DNAJB6: variants seen among roughly 807,000 people sequenced by gnomAD.
The protein encoded by DNAJB6 is dnaJ homolog subfamily B member 6.
DNAJB6 carries 16 observed loss-of-function variants against 42.7 expected under a neutral mutation model. The observed-to-expected ratio is 0.37, with a 90% CI of 0.25 to 0.57. DNAJB6 has a LOEUF of 0.57. Among genes scored for constraint, DNAJB6 ranks in the 20% least tolerant of loss-of-function variants. The pLI is 0.74. For missense variants in DNAJB6, 347 were observed against 416.8 expected, an observed-to-expected ratio of 0.83 and a Z score of 1.46; for synonymous variants, 170 against 163.5, an observed-to-expected ratio of 1.04 and a Z score of -0.30.
intron 1 of DNAJB6, among the ~76,000 whole-genome samples, chr7:157,355,149 T>TTTTATTTA (rs199521094): frequency 5.8e-4 from 88 of 152,234 alleles, no homozygotes; most frequent in Non-Finnish European, 9.3e-4. Context: ...CCGTAGTTTC[T>TTTTATTTA]TTTATTTATT....
intron 1 of DNAJB6, among the ~76,000 whole-genome samples, chr7:157,344,626 T>A (rs1469887855): frequency 6.6e-6 from 1 of 152,200 alleles, no homozygotes; most frequent in Non-Finnish European, 1.5e-5. Context: ...AAAAATTTAT[T>A]ATTTTTGTGA....
At chr7:157,406,579 C>T (rs1795774692) in intron 8 of DNAJB6, among the ~76,000 whole-genome samples, 1 of 152,172 alleles carries the variant, frequency 6.6e-6, no homozygotes, top group African/African-American at 2.4e-5. Flanking sequence ...CTGAGCTGTG[C>T]AGGAGAGGAT....
At chr7:157,351,634 A>AAACAAC (rs199667104) in intron 1 of DNAJB6, among the ~76,000 whole-genome samples, 159 of 99,420 alleles carry the variant, frequency 1.6e-3, no homozygotes, top group Non-Finnish European at 1.4e-3. Flanking sequence ...CTCTGTCTCA[A>AAACAAC]AACAACAACA....
chr7:157,406,410 G>A (rs1795769045), intron 8 of DNAJB6, among the ~76,000 whole-genome samples: 1 of 152,224 alleles, frequency 6.6e-6, no homozygotes, highest in African/African-American at 2.4e-5. Context: ...TGGGGACACA[G>A]GACTGTGTCG....
intron 1 of DNAJB6, among the ~76,000 whole-genome samples, chr7:157,357,855 C>T (rs147815821): frequency 1.1e-4 from 17 of 152,316 alleles, no homozygotes; most frequent in Non-Finnish European, 1.8e-4. Flanking sequence ...TGAATCTCTG[C>T]TGCTGGTTTT....
intron 1 of DNAJB6, among the ~76,000 whole-genome samples, chr7:157,344,365 T>C (rs1050940237): frequency 6.8e-6 from 1 of 146,692 alleles, no homozygotes; most frequent in African/African-American, 2.5e-5. Context: ...AAAAAAAAAA[T>C]AGCCAGGCAT....
intron 2 of DNAJB6, among the ~76,000 whole-genome samples, chr7:157,361,986 G>A (rs868077313): frequency 1.3e-5 from 2 of 152,040 alleles, no homozygotes; most frequent in Admixed American, 6.5e-5. Context: ...GGTTGGTCTC[G>A]AACTCCTGAC....
chr7:157,392,446 C>T (rs1053243291), intron 8 of DNAJB6, among the ~76,000 whole-genome samples: 7 of 150,380 alleles, frequency 4.7e-5, no homozygotes, highest in Admixed American at 6.7e-5. Context: ...TGTGTGCGTG[C>T]GTGTGCCTGT....
chr7:157,351,566 G>A (rs542693917), intron 1 of DNAJB6, among the ~76,000 whole-genome samples: 15 of 151,880 alleles, frequency 9.9e-5, no homozygotes, highest in Admixed American at 9.8e-4. Flanking sequence ...CCTAGAGGTG[G>A]AGTTTGCAGT....
chr7:157,375,097 T>C (rs974377193), intron 5 of DNAJB6, among the ~76,000 whole-genome samples: 2 of 152,192 alleles, frequency 1.3e-5, no homozygotes, highest in Non-Finnish European at 2.9e-5. Flanking sequence ...GATTTAAACT[T>C]GAGGCTGCAG....
chr7:157,353,379 G>C (rs1227799846), intron 1 of DNAJB6, among the ~76,000 whole-genome samples: 1 of 152,102 alleles, frequency 6.6e-6, no homozygotes, highest in Non-Finnish European at 1.5e-5. Flanking sequence ...TAATCTTTCT[G>C]TAACTGTGGT....
chr7:157,342,170 A>T (rs776968355), intron 1 of DNAJB6, among the ~76,000 whole-genome samples: 13 of 145,694 alleles, frequency 8.9e-5, no homozygotes, highest in African/African-American at 2.0e-4. Flanking sequence ...ATTTTATTAT[A>T]ATAATAATTT....
intron 6 of DNAJB6, 23 bp downstream of exon 6, chr7:157,382,400 C>T (rs369118478): frequency 2.6e-6 from 4 of 1,524,720 alleles, no homozygotes; most frequent in Non-Finnish European, 3.5e-6. Flanking sequence ...TAGGTTTAAT[C>T]TCTGTTATCT....
intron 8 of DNAJB6, among the ~76,000 whole-genome samples, chr7:157,392,099 CAAAAAAAAAAAA>C (rs57861175): frequency 8.9e-6 from 1 of 112,260 alleles, no homozygotes; most frequent in African/African-American, 3.3e-5. Flanking sequence ...GACCCTGTCT[CAAAAAAAAAAAA>C]AAAAAAGGAT....
chr7:157,416,417 A>C lies in DNAJB6; in HGVS notation c.*319A>C. The C allele has an allele frequency of 3.1e-6, 1 of 318,192 alleles. No homozygotes were observed. Among genetic ancestry groups the C allele is most frequent in the Non-Finnish European group, 6.0e-6 (1 of 167,906 alleles). 19.7% of individuals were successfully genotyped at this position (318,192 alleles called of 1,614,324 possible). A position where few individuals can be genotyped will look rare whatever the true frequency, so the allele number is the denominator to read the frequency against. ...ACTCAACCACTCCGCATGCTGCTGGAATATTTCTGGCTTTAGAAGTACAGG... is the reference window on the plus strand; with the variant it reads ...ACTCAACCACTCCGCATGCTGCTGGCATATTTCTGGCTTTAGAAGTACAGG... On this transcript the variant is annotated 3_prime_UTR_variant, in exon 10 of 10. Coordinates refer to ENST00000262177, the MANE Select transcript of DNAJB6 (RefSeq NM_058246.4).
chr7:157,362,745 TA>T (rs1799665797), intron 2 of DNAJB6, among the ~76,000 whole-genome samples: 1 of 152,240 alleles, frequency 6.6e-6, no homozygotes, highest in South Asian at 2.1e-4. Context: ...TTTATTTTTC[TA>T]TCTCTAGAGG....
At chr7:157,351,981 A>C (rs957700992) in intron 1 of DNAJB6, among the ~76,000 whole-genome samples, 1 of 152,052 alleles carries the variant, frequency 6.6e-6, no homozygotes, top group Non-Finnish European at 1.5e-5. Context: ...GGCGTCAGAG[A>C]GCGAGACACT....
intron 8 of DNAJB6, among the ~76,000 whole-genome samples, chr7:157,406,285 G>C (rs1795764822): frequency 6.6e-6 from 1 of 152,226 alleles, no homozygotes; most frequent in African/African-American, 2.4e-5. Context: ...AGGGAGATCT[G>C]GATAAGGAGG....
At chr7:157,361,850 CCT>C (rs1379142387) in intron 2 of DNAJB6, among the ~76,000 whole-genome samples, 1 of 152,168 alleles carries the variant, frequency 6.6e-6, no homozygotes, top group Non-Finnish European at 1.5e-5. Flanking sequence ...CTCACTGCAA[CCT>C]CTTTCTCCTG....
Sources: gnomAD v4.1 joint callset for allele counts (sites outside exome capture counted in the v4.1 genomes callset) on GRCh38, gnomAD v4.1.1 for gene constraint, MANE v1.5 for transcripts, NCBI Gene and HGNC (gene_info 2026-07-23, HGNC 2026-07-21) for gene names.